PPARGC1B: variants seen among roughly 807,000 people sequenced by gnomAD.
The protein encoded by PPARGC1B is PPARG coactivator 1 beta.
PPARGC1B carries 34 observed loss-of-function variants against 101.6 expected under a neutral mutation model. The observed-to-expected ratio is 0.33, with a 90% CI of 0.25 to 0.45. The LOEUF (loss-of-function observed/expected upper bound fraction) is 0.45, where lower values mean the gene tolerates loss of function less well. PPARGC1B is among the 20% of genes least tolerant of loss of function. The probability of loss-of-function intolerance (pLI) is 1.00; values close to 1 mark genes in which losing one functional copy is unlikely to be tolerated. For synonymous variants in PPARGC1B, 548 were observed against 539.3 expected (o/e 1.02, Z -0.22); for missense variants, 1,234 against 1,317.6 (o/e 0.94, Z 0.98).
At chr5:149,762,534 G>A (rs2113157772) in intron 1 of PPARGC1B, among the ~76,000 whole-genome samples, 1 of 152,294 alleles carries the variant, frequency 6.6e-6, no homozygotes, top group South Asian at 2.1e-4. Context: ...GGGCCTCTCA[G>A]TGAATCTATC....
chr5:149,745,684 C>T (rs1373833745), intron 1 of PPARGC1B, among the ~76,000 whole-genome samples: 1 of 152,150 alleles, frequency 6.6e-6, no homozygotes, highest in Admixed American at 6.5e-5. Context: ...ATTTGATCTT[C>T]ACATCAATCT....
chr5:149,780,970 A>G lies in PPARGC1B; in HGVS notation c.79-39463A>G, dbSNP rs1756576120. Among the ~76,000 whole-genome samples the G allele has an allele frequency of 2.6e-5, 4 of 152,278 alleles. No individual in the cohort carries two copies. The South Asian group carries it at 8.3e-4, about 32-fold the overall frequency. On this transcript the variant is annotated intron_variant, in intron 1 of 11. Coordinates refer to ENST00000309241, the MANE Select transcript of PPARGC1B (RefSeq NM_133263.4). ...TGTAATCCCAGCACTTTGGGAGGCCAAGGCGGGGGAATCGCCTGAGGTCAG... is the reference window on the plus strand; with the variant it reads ...TGTAATCCCAGCACTTTGGGAGGCCGAGGCGGGGGAATCGCCTGAGGTCAG...
chr5:149,746,941 T>G (rs903459799), intron 1 of PPARGC1B, among the ~76,000 whole-genome samples: 1 of 152,196 alleles, frequency 6.6e-6, no homozygotes, highest in Non-Finnish European at 1.5e-5. Context: ...ATTTTAAAAT[T>G]GGGTTGTTTG....
At chr5:149,840,893 C>T (rs1417994445) in intron 9 of PPARGC1B, among the ~76,000 whole-genome samples, 1 of 152,068 alleles carries the variant, frequency 6.6e-6, no homozygotes, top group Non-Finnish European at 1.5e-5. Context: ...TATGCATACC[C>T]TAGAGGTGCA....
intron 5 of PPARGC1B, among the ~76,000 whole-genome samples, 184 bp from the exon 6 acceptor site, chr5:149,834,490 G>A (rs1758959899): frequency 1.3e-5 from 2 of 152,228 alleles, no homozygotes; most frequent in South Asian, 4.1e-4. Context: ...TCCCAGCTGA[G>A]ACTAGGATGG....
chr5:149,833,610 C>A lies in PPARGC1B; in HGVS notation c.1537C>A (p.Pro513Thr). ...TGCTCTGCCCTCACTGTGCCTGGCT[C>A]CCAAGGCCTACGACGTAGAGCGGGA... ...QGALPSLCLA[P>T]KAYDVERELG... The change falls in exon 5 of 12, where the codon CCC (proline) becomes ACC (threonine). Residue 513 changes from proline (P) to threonine (T), a missense_variant. Transcript: ENST00000309241. This position sits in a 1 kb window ranked among gnomAD's most constrained non-coding sequence, Gnocchi z 4.1. 1 of 1,608,432 alleles carries A rather than the reference C, an allele frequency of 6.2e-7. No homozygotes were observed. The highest frequency in any genetic ancestry group is 1.1e-5 in the South Asian group (1 of 89,802).
At chr5:149,818,745 T>TATC in intron 1 of PPARGC1B, 1 of 444,598 alleles carries the variant, frequency 2.2e-6, no homozygotes, top group South Asian at 1.6e-5. Context: ...ACCATTGTTT[T>TATC]ATCATTATTA....
intron 1 of PPARGC1B, among the ~76,000 whole-genome samples, chr5:149,769,954 A>G (rs1453558966): frequency 1.3e-5 from 2 of 152,114 alleles, no homozygotes; most frequent in Non-Finnish European, 2.9e-5. Context: ...ACATCGGCAG[A>G]GTCCCTTTTG....
At chr5:149,855,721 G>A (rs372190195), downstream of PPARGC1B, among the ~76,000 whole-genome samples, 13 of 152,292 alleles carry the variant, frequency 8.5e-5, no homozygotes, top group South Asian at 2.5e-3. Flanking sequence ...GGGTTAGCCT[G>A]TATTTTGCCC....
intron 1 of PPARGC1B, among the ~76,000 whole-genome samples, chr5:149,764,611 A>C (rs1010462021): frequency 1.3e-5 from 2 of 152,254 alleles, no homozygotes; most frequent in African/African-American, 4.8e-5. Context: ...GGATAAGGTC[A>C]GTGCAGGTGG....
chr5:149,774,984 G>A (rs1266922983), intron 1 of PPARGC1B, among the ~76,000 whole-genome samples: 3 of 152,142 alleles, frequency 2.0e-5, no homozygotes, highest in Non-Finnish European at 2.9e-5. Flanking sequence ...AGAGCCGGGC[G>A]AGCTGCAGCC....
chr5:149,771,873 A>C, intron 1 of PPARGC1B: 3 of 582,540 alleles, frequency 5.1e-6, no homozygotes, highest in Non-Finnish European at 8.0e-6. Context: ...TATCCCCACC[A>C]TGGCCAATTT....
At chr5:149,763,328 C>T (rs961317228) in intron 1 of PPARGC1B, among the ~76,000 whole-genome samples, 5 of 152,126 alleles carry the variant, frequency 3.3e-5, no homozygotes, top group Admixed American at 6.5e-5. Context: ...AGATGTTAAA[C>T]GCTTGGTGTG....
intron 1 of PPARGC1B, among the ~76,000 whole-genome samples, chr5:149,771,078 T>C (rs1756111893): frequency 6.6e-6 from 1 of 152,156 alleles, no homozygotes; most frequent in African/African-American, 2.4e-5. Flanking sequence ...TTGAAGGAAT[T>C]GGGTGGCTGG....
intron 4 of PPARGC1B, among the ~76,000 whole-genome samples, chr5:149,831,238 A>G (rs1758771472): frequency 6.6e-6 from 1 of 151,842 alleles, no homozygotes; most frequent in South Asian, 2.1e-4. Flanking sequence ...AATAGTTTGG[A>G]TTTTTTTTCC....
chr5:149,847,084 CAAA>C (rs879921257), intron 11 of PPARGC1B: 25 of 285,300 alleles, frequency 8.8e-5, no homozygotes, highest in Middle Eastern at 1.2e-3. Context: ...GACTGCATCT[CAAA>C]AAAAAAAAAA....
chr5:149,830,917 G>A, intron 4 of PPARGC1B, 34 bp downstream of exon 4: 1 of 1,440,048 alleles, frequency 6.9e-7, no homozygotes, highest in African/African-American at 1.4e-5. Context: ...TCTACCCCAG[G>A]TGTCTGTTGG....
chr5:149,825,199 A>G (rs909466405), intron 2 of PPARGC1B, among the ~76,000 whole-genome samples: 1 of 152,226 alleles, frequency 6.6e-6, no homozygotes, highest in Non-Finnish European at 1.5e-5. Context: ...GGGGGAACAC[A>G]CGCCGACCCT....
Position 149,836,635 on chromosome 5 carries a change from C to A in PPARGC1B, c.2180C>A (p.Ala727Asp), listed in dbSNP as rs770044041. Reference protein sequence around the residue: ...VHLEDWPQQGAPWAEAQAPGR... With the variant: ...VHLEDWPQQGDPWAEAQAPGR... ...CTTGAGGACTGGCCCCAGCAGGGTG[C>A]CCCTTGGGCTGAGGCACAGGCCCCT... is the stretch of plus-strand genomic sequence containing the variant. The change falls in exon 8 of 12, where the codon GCC (alanine) becomes GAC (aspartate). Residue 727 changes from alanine (A) to aspartate (D), a missense_variant. Around this residue, in one of 3 missense-constraint regions of PPARGC1B, gnomAD observed 497 missense variants for 529.5 expected, o/e 0.94. Coordinates refer to ENST00000309241, the MANE Select transcript of PPARGC1B (RefSeq NM_133263.4). The A allele has an allele frequency of 6.2e-7, 1 of 1,613,700 alleles. No homozygotes were observed. The highest frequency in any genetic ancestry group is 1.3e-5 in the African/African-American group (1 of 74,942).
Sources: allele counts gnomAD v4.1 joint callset (sites outside exome capture counted in the v4.1 genomes callset), GRCh38; gene constraint gnomAD v4.1.1; regional missense constraint gnomAD v4.1.1; non-coding constraint Gnocchi (gnomAD v3.1); transcripts MANE v1.5; gene names NCBI Gene and HGNC (gene_info 2026-07-23, HGNC 2026-07-21).